Variants in INF2 observed in about 807,000 individuals in gnomAD.
The protein encoded by INF2 is inverted formin-2.
Under a neutral mutation model 123.5 loss-of-function variants are expected in INF2, and 43 were observed. The ratio of observed to expected loss-of-function variants is 0.35; its 90% CI spans 0.27 to 0.45. INF2 has a LOEUF of 0.45. Ranked by LOEUF, INF2 falls within the 20% of genes least tolerant of loss-of-function variation. INF2 has a pLI of 1.00. For missense variants in INF2, 1,453 were observed against 1,682.7 expected (o/e 0.86, Z 2.39); for synonymous variants, 851 against 745.0 (o/e 1.14, Z -2.32).
intron 10 of INF2, 106 bp downstream of exon 10, chr14:104,708,838 C>A: frequency 1.8e-6 from 2 of 1,139,230 alleles, no homozygotes; most frequent in Non-Finnish European, 2.7e-6. Context: ...ATGGGAAGTG[C>A]ACACTGCATC....
upstream of INF2, among the ~76,000 whole-genome samples, chr14:104,687,060 C>T (rs1469413916): frequency 6.6e-6 from 1 of 152,224 alleles, no homozygotes; most frequent in Non-Finnish European, 1.5e-5. The surrounding 1 kb of genome is among the most constrained non-coding windows in gnomAD (Gnocchi z 5.6). Context: ...GTACCTGCAG[C>T]TGGGGGCCGG....
At chr14:104,708,318 C>A in intron 8 of INF2, 118 bp from the exon 9 acceptor site, 1 of 1,315,744 alleles carries the variant, frequency 7.6e-7, no homozygotes, top group Non-Finnish European at 1.1e-6. Flanking sequence ...TGGACCTGGA[C>A]CTACTGGGCC....
At chr14:104,683,606 C>T (rs1280572881) in intron 1 of INF2, among the ~76,000 whole-genome samples, 1 of 131,006 alleles carries the variant, frequency 7.6e-6, no homozygotes, top group Non-Finnish European at 1.6e-5. Context: ...AACCCGCCCC[C>T]CTCCCCACCA....
At chr14:104,687,100 C>T (rs574691148), upstream of INF2, among the ~76,000 whole-genome samples, 14 of 152,282 alleles carry the variant, frequency 9.2e-5, no homozygotes, top group East Asian at 1.7e-3. The surrounding 1 kb of genome is among the most constrained non-coding windows in gnomAD (Gnocchi z 5.6). Flanking sequence ...GAGGAAGGAC[C>T]GACACCCAGG....
At chr14:104,685,917 G>A (rs1888648590), upstream of INF2, among the ~76,000 whole-genome samples, 1 of 27,706 alleles carries the variant, frequency 3.6e-5, no homozygotes, top group Non-Finnish European at 7.8e-5. Context: ...ATGAGGGTGG[G>A]TGGGTGAGTG....
At chr14:104,700,887 T>C (rs1889447177) in intron 1 of INF2, 3 of 984,922 alleles carry the variant, frequency 3.0e-6, no homozygotes, top group Non-Finnish European at 3.6e-6. Context: ...CCTGTCCATA[T>C]TGTCCACTGG....
intron 22 of INF2, chr14:104,717,549 C>T (rs1288198921): frequency 6.6e-6 from 1 of 152,284 alleles, no homozygotes; most frequent in African/African-American, 2.4e-5. Flanking sequence ...TCACTTCAGT[C>T]TCTTTTGTTC....
At position 104,703,961 on chromosome 14, in the gene INF2, C is replaced by G. The variant is rs1377332118; in HGVS notation, c.701+12C>G. 6.2e-7 allele frequency: 1 copy of G among 1,609,458 alleles called. No homozygotes were observed. The highest frequency in any genetic ancestry group is 8.5e-7 in the Non-Finnish European group (1 of 1,179,970). ...CTGGCTCGCCTGCGGTGAGTCCCCA[C>G]TGTAGCGGTCCTGCCGGCTCCCCCT... On this transcript the variant is annotated intron_variant, in intron 5 of 22. Coordinates refer to ENST00000392634, the MANE Select transcript of INF2 (RefSeq NM_022489.4).
At chr14:104,695,171 C>T (rs1889127583) in intron 1 of INF2, among the ~76,000 whole-genome samples, 1 of 152,146 alleles carries the variant, frequency 6.6e-6, no homozygotes, top group African/African-American at 2.4e-5. Flanking sequence ...CAGCCCTGGG[C>T]TCATGCCACC....
chr14:104,717,703 C>T (rs1890376138), intron 22 of INF2: 1 of 152,208 alleles, frequency 6.6e-6, no homozygotes, highest in African/African-American at 2.4e-5. Flanking sequence ...GCCATGTCCT[C>T]CCCAGCTGGG....
intron 22 of INF2, among the ~76,000 whole-genome samples, chr14:104,717,246 G>A (rs945530675): frequency 2.1e-5 from 3 of 145,360 alleles, no homozygotes; most frequent in Non-Finnish European, 4.5e-5. Context: ...GTGCGCTGCC[G>A]TCCTCCCAGT....
rs1426541744 is a variant in INF2, at chr14:104,684,308, G to T, written c.-104+2726G>T. On this transcript the variant is annotated intron_variant, in intron 1 of 2. Transcript: ENST00000674723. This position sits in a 1 kb window ranked among gnomAD's most constrained non-coding sequence, Gnocchi z 5.0. ...TCTCCCGAGGGCCAGCACTGGCTTAGCCTGCTCAGTGAGGTGCCCGAAGGA... is the reference window on the plus strand; with the variant it reads ...TCTCCCGAGGGCCAGCACTGGCTTATCCTGCTCAGTGAGGTGCCCGAAGGA... 5.7e-6 allele frequency: 2 copies of T among 351,466 alleles called. No individual in the cohort carries two copies. The highest frequency in any genetic ancestry group is 1.1e-5 in the Non-Finnish European group (2 of 176,836). The allele number at this position is 351,466 out of a possible 1,614,324, so 21.8% of individuals were successfully genotyped here.
chr14:104,714,252 C>G lies in INF2; in HGVS notation c.3090C>G (p.Pro1030=). Residue 1030 remains proline, a synonymous_variant, in exon 21 of 23, where the codon CCC becomes CCG. Coordinates refer to ENST00000392634, the MANE Select transcript of INF2 (RefSeq NM_022489.4). The part of the protein sequence containing the change: ...AGDPVGSTRC[P]ASEPGLDATT... ...ATCCCGTGGGCAGCACGCGCTGTCCCGCCTCTGAGCCCGGCCTTGATGCTA... is the reference window on the plus strand; with the variant it reads ...ATCCCGTGGGCAGCACGCGCTGTCCGGCCTCTGAGCCCGGCCTTGATGCTA... 6.3e-7 allele frequency: 1 copy of G among 1,588,332 alleles called. No individual in the cohort carries two copies. The highest frequency in any genetic ancestry group is 8.6e-7 in the Non-Finnish European group (1 of 1,169,116).
chr14:104,719,161 G>A lies in INF2; in HGVS notation c.*368G>A, dbSNP rs540182469. 1.2e-5 allele frequency: 4 copies of A among 337,834 alleles called. No individual in the cohort carries two copies. In the South Asian group the frequency reaches 2.7e-4, roughly 23 times the overall value. The allele number at this position is 337,834 out of a possible 1,614,324, so 20.9% of individuals were successfully genotyped here. On this transcript the variant is annotated 3_prime_UTR_variant, in exon 23 of 23. Transcript: ENST00000392634. The stretch of plus-strand genomic sequence containing the variant: ...ACAGCTCTGCCTGCCCTTCAGCCCA[G>A]CAAGGTTTAATCAAAATGCAATGCT...
rs993982593 is a variant in INF2, at chr14:104,699,443, G to T, written c.-9-1914G>T. ...GGGAGCAACCCTACTGCCACCAGGA[G>T]GGGCGTTGGGGACCTGAGGCTGCCT... On this transcript the variant is annotated intron_variant, in intron 1 of 22. Coordinates refer to ENST00000392634, the MANE Select transcript of INF2 (RefSeq NM_022489.4). This position sits in a 1 kb window ranked among gnomAD's most constrained non-coding sequence, Gnocchi z 4.7. 6.8e-5 allele frequency: 67 copies of T among 985,294 alleles called. No homozygotes were observed. The South Asian group carries it at 2.7e-3, about 40-fold the overall frequency. The allele number at this position is 985,294 out of a possible 1,614,324, so 61.0% of individuals were successfully genotyped here. A position where few individuals can be genotyped will look rare whatever the true frequency, so the allele number is the denominator to read the frequency against.
rs1231702842 is a variant in INF2, at chr14:104,709,396, C to T, written c.2052+13C>T. ...CGAGAAGCACGAGGTAAGAGGACCA[C>T]CCCCACACCCCACCCCCAGTTAGTG... On this transcript the variant is annotated intron_variant, in intron 11 of 22. Transcript: ENST00000392634. 11 of 1,586,504 alleles carry T rather than the reference C, an allele frequency of 6.9e-6. No homozygotes were observed. The highest frequency in any genetic ancestry group is 9.5e-6 in the Non-Finnish European group (11 of 1,155,962).
At chr14:104,715,405 G>T (rs1317187424) in intron 22 of INF2, 65 bp downstream of exon 22, 2 of 1,423,438 alleles carry the variant, frequency 1.4e-6, no homozygotes, top group Non-Finnish European at 2.0e-6. Flanking sequence ...GCTGGAGCTT[G>T]CTGCCCACAC....
chr14:104,709,714 GGCC>G lies in INF2; in HGVS notation c.2138+13_2138+15del. On this transcript the variant is annotated intron_variant, in intron 12 of 22. Transcript: ENST00000392634. ...CTGCTGGCCATTCCCTGGTGAGCAT[GGCC>G]GCCCTCAGACCCCAGGGCCTGGGCC... The G allele has an allele frequency of 6.2e-7, 1 of 1,611,780 alleles. No homozygotes were observed. Among genetic ancestry groups the G allele is most frequent in the Non-Finnish European group, 8.5e-7 (1 of 1,179,006 alleles).
intron 1 of INF2, among the ~76,000 whole-genome samples, chr14:104,681,987 C>T (rs1314164376): frequency 2.6e-5 from 4 of 152,044 alleles, no homozygotes; most frequent in Admixed American, 2.6e-4. Context: ...GGCTGGGAGT[C>T]TCCAGGGAGG....
Sources: allele counts gnomAD v4.1 joint callset (sites outside exome capture counted in the v4.1 genomes callset), GRCh38; gene constraint gnomAD v4.1.1; non-coding constraint Gnocchi (gnomAD v3.1); transcripts MANE v1.5; gene names NCBI Gene and HGNC (gene_info 2026-07-23, HGNC 2026-07-21).